The following THRAP3 variants were observed in gnomAD, a reference collection of about 807,000 sequenced individuals.
The protein encoded by THRAP3 is thyroid hormone receptor-associated protein 3.
A neutral mutation model predicts 101.0 loss-of-function variants in THRAP3; 16 were observed. The ratio of observed to expected loss-of-function variants is 0.16; its 90% CI spans 0.11 to 0.24. The LOEUF (loss-of-function observed/expected upper bound fraction) is 0.24. Among genes scored for constraint, THRAP3 ranks in the 10% least tolerant of loss-of-function variants. The pLI is 1.00. For missense variants in THRAP3, 989 were observed against 1,202.7 expected (o/e 0.82, Z 2.63); for synonymous variants, 407 against 422.6 (o/e 0.96, Z 0.45).
intron 2 of THRAP3, among the ~76,000 whole-genome samples, chr1:36,259,764 A>AG (rs1645421035): frequency 2.6e-4 from 2 of 7,764 alleles, no homozygotes. Context: ...ACCCTGTCTC[A>AG]AAAAAAAAAA....
chr1:36,295,372 C>G lies in THRAP3; in HGVS notation c.2116-1211C>G, dbSNP rs184751059. Among the ~76,000 whole-genome samples, 11 of 152,280 alleles carry G rather than the reference C, an allele frequency of 7.2e-5. No individual in the cohort carries two copies. The East Asian group carries it at 2.1e-3, about 29-fold the overall frequency. On this transcript the variant is annotated intron_variant, in intron 8 of 11. Transcript: ENST00000354618. ...TCATTTCTTCCTCCCTGAGTTACCT[C>G]CATGAGACAAATCCTAGTGTGGGAT...
chr1:36,210,703 GTATA>G, the THRAP3 span, among the ~76,000 whole-genome samples: 1 of 2,732 alleles, frequency 3.7e-4, no homozygotes, highest in African/African-American at 2.0e-3. Context: ...AAAAAAAAAA[GTATA>G]TATATATATA....
the THRAP3 span, among the ~76,000 whole-genome samples, chr1:36,210,464 AG>A: frequency 6.7e-6 from 1 of 148,910 alleles, no homozygotes; most frequent in African/African-American, 2.5e-5. Context: ...CGAGGTGGGC[AG>A]ATTGCCTGAG....
chr1:36,215,049 G>A, the THRAP3 span, among the ~76,000 whole-genome samples: 2 of 148,138 alleles, frequency 1.4e-5, no homozygotes, highest in African/African-American at 2.5e-5. Flanking sequence ...ATGAAACCCC[G>A]TCTCTACTAA....
chr1:36,287,483 C>G (rs1014866012), intron 4 of THRAP3: 1 of 985,292 alleles, frequency 1.0e-6, no homozygotes, highest in Non-Finnish European at 1.2e-6. Context: ...GCAGCATAAA[C>G]TTTCTTTAGA....
the THRAP3 span, among the ~76,000 whole-genome samples, chr1:36,215,437 C>T: frequency 1.3e-5 from 2 of 152,248 alleles, no homozygotes; most frequent in East Asian, 3.9e-4. Flanking sequence ...CAGCGCTTTT[C>T]CCTGTGTTTT....
chr1:36,251,818 C>T (rs1427549375), intron 1 of THRAP3, among the ~76,000 whole-genome samples: 1 of 152,172 alleles, frequency 6.6e-6, no homozygotes, highest in Non-Finnish European at 1.5e-5. Context: ...TTCAACAACA[C>T]TGTGAAGTAG....
intron 4 of THRAP3, chr1:36,288,647 T>C: frequency 2.0e-6 from 2 of 985,470 alleles, no homozygotes; most frequent in South Asian, 9.4e-5. Flanking sequence ...AGCAAAACAG[T>C]CCAAGGTTGA....
chr1:36,274,152 GAA>G (rs1490246096), intron 2 of THRAP3, among the ~76,000 whole-genome samples: 2 of 150,318 alleles, frequency 1.3e-5, no homozygotes, highest in African/African-American at 2.5e-5. Context: ...TGAACAATAA[GAA>G]AATGAAATTG....
chr1:36,305,179 C>T lies in THRAP3; in HGVS notation c.*1162C>T, dbSNP rs1162819981. 4.5e-6 allele frequency: 1 copy of T among 221,904 alleles called. No homozygotes were observed. The highest frequency in any genetic ancestry group is 6.5e-5 in the East Asian group (1 of 15,498). The allele number at this position is 221,904 out of a possible 1,614,324, so 13.7% of individuals were successfully genotyped here. On this transcript the variant is annotated 3_prime_UTR_variant, in exon 12 of 12. Transcript: ENST00000354618. The stretch of plus-strand genomic sequence containing the variant: ...TATGTTATATGCGGACTGCACCCAC[C>T]TCTCCCCCCCAGCCTTTGCCTCTTG...
intron 2 of THRAP3, among the ~76,000 whole-genome samples, chr1:36,271,586 CTTATCTTTTTTTT>C (rs1645592073): frequency 1.9e-5 from 2 of 106,996 alleles, no homozygotes; most frequent in Admixed American, 1.1e-4. Flanking sequence ...CAGGCTTTTT[CTTATCTTTTTTTT>C]TTTTTTTTTT....
At chr1:36,272,634 C>T (rs1323681057) in intron 2 of THRAP3, among the ~76,000 whole-genome samples, 1 of 152,200 alleles carries the variant, frequency 6.6e-6, no homozygotes, top group Non-Finnish European at 1.5e-5. Flanking sequence ...GTCTAAAACG[C>T]TTTATGGGTG....
chr1:36,213,123 T>C, the THRAP3 span, among the ~76,000 whole-genome samples: 1 of 152,100 alleles, frequency 6.6e-6, no homozygotes, highest in African/African-American at 2.4e-5. Context: ...TGGAGGGCCT[T>C]GGAAGGTGAT....
intron 1 of THRAP3, among the ~76,000 whole-genome samples, chr1:36,238,061 C>T (rs552258963): frequency 4.6e-5 from 7 of 152,096 alleles, no homozygotes; most frequent in Non-Finnish European, 7.4e-5. Flanking sequence ...TCTGGATCTC[C>T]TGACCTCGTG....
At chr1:36,287,594 T>C in intron 4 of THRAP3, 2 of 985,410 alleles carry the variant, frequency 2.0e-6, no homozygotes, top group Non-Finnish European at 1.2e-6. Context: ...CAAAAAAAAG[T>C]ATGGTCTTTG....
rs534662581 is a variant in THRAP3, at chr1:36,286,002, TA to T, written c.138-362del. 4.9e-4 allele frequency among the ~76,000 whole-genome samples: 74 copies of T among 152,208 alleles called. No individual in the cohort carries two copies. Among genetic ancestry groups the T allele is most frequent in the Non-Finnish European group, 8.8e-4 (60 of 68,034 alleles). Reference sequence around the variant, plus strand: ...CGTTTCCAATGACCTGGAGCCCTGTTAAAATCCCCGTGCCTGTGAAACTGTA... The same window carrying T: ...CGTTTCCAATGACCTGGAGCCCTGTTAAATCCCCGTGCCTGTGAAACTGTA... On this transcript the variant is annotated intron_variant, in intron 3 of 11. Coordinates refer to ENST00000354618, the MANE Select transcript of THRAP3 (RefSeq NM_005119.4). The surrounding 1 kb of genome is among the most constrained non-coding windows in gnomAD (Gnocchi z 5.5).
In THRAP3 at chr1:36,287,763, G is replaced by A. The variant is rs555002098; in HGVS notation, c.1040+493G>A. The A allele has an allele frequency of 1.3e-5, 13 of 985,444 alleles. No homozygotes were observed. In the Admixed American group the frequency reaches 6.8e-4, roughly 51 times the overall value. 61.0% of individuals were successfully genotyped at this position (985,444 alleles called of 1,614,324 possible). On this transcript the variant is annotated intron_variant, in intron 4 of 11. Coordinates refer to ENST00000354618, the MANE Select transcript of THRAP3 (RefSeq NM_005119.4). Reference sequence around the variant, plus strand: ...AAAGGCCAAGGCATAGTCCAGGAAGGCCTTGTTTTAAAACCACAAGGTGGG... The same window carrying A: ...AAAGGCCAAGGCATAGTCCAGGAAGACCTTGTTTTAAAACCACAAGGTGGG...
chr1:36,247,541 G>T (rs1321933496), intron 1 of THRAP3, among the ~76,000 whole-genome samples: 1 of 151,894 alleles, frequency 6.6e-6, no homozygotes, highest in South Asian at 2.1e-4. Flanking sequence ...GGCCAAGCTG[G>T]TTTTGAACTC....
At position 36,289,733 on chromosome 1, in the gene THRAP3, C is replaced by G; in HGVS notation, c.1714C>G (p.Arg572Gly). The G allele has an allele frequency of 6.2e-7, 1 of 1,611,678 alleles. No homozygotes were observed. Among genetic ancestry groups the G allele is most frequent in the African/African-American group, 1.3e-5 (1 of 74,820 alleles). The change falls in exon 5 of 12, where the codon CGG becomes GGG. Residue 572 changes from arginine to glycine, a missense_variant. Coordinates refer to ENST00000354618, the MANE Select transcript of THRAP3 (RefSeq NM_005119.4). ...SITREAQVNVRMDSFDEDLAR... is the reference protein window; with the variant it reads ...SITREAQVNVGMDSFDEDLAR... ...TACTCGAGAGGCACAGGTCAATGTC[C>G]GGATGGACTCTTTTGATGAGGACCT...
Sources: gnomAD v4.1 joint callset for allele counts (sites outside exome capture counted in the v4.1 genomes callset) on GRCh38, gnomAD v4.1.1 for gene constraint, Gnocchi (gnomAD v3.1) non-coding constraint, MANE v1.5 for transcripts, NCBI Gene and HGNC (gene_info 2026-07-23, HGNC 2026-07-21) for gene names.